Variants in ATXN10 observed in about 807,000 individuals in gnomAD.
ATXN10 encodes ataxin-10.
A neutral mutation model predicts 52.9 loss-of-function variants in ATXN10; 28 were observed. The observed-to-expected ratio is 0.53, with a 90% confidence interval of 0.39 to 0.73. ATXN10 has a LOEUF of 0.73. Ranked by LOEUF, ATXN10 falls within the 30% of genes least tolerant of loss-of-function variation. ATXN10 has a pLI of 0.00. For missense variants in ATXN10, 565 were observed against 577.0 expected (o/e 0.98, Z 0.21); for synonymous variants, 226 against 221.5 (o/e 1.02, Z -0.18).
At position 45,837,328 on chromosome 22, in the gene ATXN10, C is replaced by T. The variant is rs1929199439; in HGVS notation, c.1238-5663C>T. Among the ~76,000 whole-genome samples, 1 of 152,148 alleles carries T rather than the reference C, an allele frequency of 6.6e-6. No homozygotes were observed. The highest frequency in any genetic ancestry group is 1.5e-5 in the Non-Finnish European group (1 of 68,034). ...AGGCTGCAGTGCAGTGGCGCAATCT[C>T]GGCTCACTGCAGCCTCTGCCTCCCG... On this transcript the variant is annotated intron_variant, in intron 10 of 11. Transcript: ENST00000252934. This position sits in a 1 kb window ranked among gnomAD's most constrained non-coding sequence, Gnocchi z 5.8.
chr22:45,783,982 C>T lies in ATXN10; in HGVS notation c.1174-22977C>T, dbSNP rs775814068. ...CTGGCGGCCCACTACCCGCATTTGT[C>T]CCTGACTGCTTTGCAGGCCGTCCCC... On this transcript the variant is annotated intron_variant, in intron 9 of 11. Coordinates refer to ENST00000252934, the MANE Select transcript of ATXN10 (RefSeq NM_013236.4). This position sits in a 1 kb window ranked among gnomAD's most constrained non-coding sequence, Gnocchi z 5.0. Among the ~76,000 whole-genome samples, 1 of 152,260 alleles carries T rather than the reference C, an allele frequency of 6.6e-6. No homozygotes were observed. Among genetic ancestry groups the T allele is most frequent in the Non-Finnish European group, 1.5e-5 (1 of 68,008 alleles).
chr22:45,751,760 A>AT (rs1159780913), intron 9 of ATXN10, among the ~76,000 whole-genome samples: 1 of 63,170 alleles, frequency 1.6e-5, no homozygotes, highest in African/African-American at 6.2e-5. Context: ...AAAAATAAAA[A>AT]AAAAATAATA....
chr22:45,723,619 C>G (rs1924749151), intron 6 of ATXN10, among the ~76,000 whole-genome samples: 1 of 152,132 alleles, frequency 6.6e-6, no homozygotes, highest in Admixed American at 6.6e-5. Context: ...TAAGTGAGAA[C>G]ATATGGTATT....
At chr22:45,807,244 C>T (rs768083516) in intron 10 of ATXN10, 87 of 632,438 alleles carry the variant, frequency 1.4e-4, no homozygotes, top group Middle Eastern at 3.4e-4. Flanking sequence ...ATAAGACATT[C>T]CAAATGAGCA....
rs1260264151 is a variant in ATXN10 at position 45,698,808 on chromosome 22, A to G, written c.392-1474A>G. On this transcript the variant is annotated intron_variant, in intron 3 of 11. Coordinates refer to ENST00000252934, the MANE Select transcript of ATXN10 (RefSeq NM_013236.4). ...TTCAGCAATGAAATTTGGATTCAAC[A>G]GTGAAACTTAGAAAAAATTTTATGG... 2.1e-4 allele frequency among the ~76,000 whole-genome samples: 32 copies of G among 152,250 alleles called. 1 individual carries two copies. The highest frequency in any genetic ancestry group is 2.1e-3 in the Admixed American group (32 of 15,290).
chr22:45,765,544 C>T (rs762652876), intron 9 of ATXN10, among the ~76,000 whole-genome samples: 20 of 152,182 alleles, frequency 1.3e-4, no homozygotes, highest in Non-Finnish European at 1.6e-4. Flanking sequence ...TTGCTCCCCT[C>T]CTCCACCTGC....
chr22:45,672,375 C>T, intron 1 of ATXN10, 196 bp downstream of exon 1: 1 of 459,808 alleles, frequency 2.2e-6, no homozygotes, highest in Non-Finnish European at 3.1e-6. Context: ...CCCGCGGGGC[C>T]TGGGGCGGGC....
At chr22:45,796,142 A>C (rs920556046) in intron 9 of ATXN10, among the ~76,000 whole-genome samples, 1 of 152,116 alleles carries the variant, frequency 6.6e-6, no homozygotes, top group African/African-American at 2.4e-5. Flanking sequence ...TCCCAGGGGG[A>C]GGTCTCTAAA....
Position 45,843,606 on chromosome 22 carries a change from G to A in ATXN10, c.1426-63G>A. ...AAAGTTCTGGGTTTTTTCCCCTTTTGTCTGATGAATCTTGTGAACAGATTT... is the reference window on the plus strand; with the variant it reads ...AAAGTTCTGGGTTTTTTCCCCTTTTATCTGATGAATCTTGTGAACAGATTT... On this transcript the variant is annotated intron_variant, in intron 11 of 11. Transcript: ENST00000252934. The surrounding 1 kb of genome is among the most constrained non-coding windows in gnomAD (Gnocchi z 4.5). 1 of 1,562,566 alleles carries A rather than the reference G, an allele frequency of 6.4e-7. No individual in the cohort carries two copies. Among genetic ancestry groups the A allele is most frequent in the Non-Finnish European group, 8.8e-7 (1 of 1,136,480 alleles).
Position 45,684,842 on chromosome 22 carries a change from T to C in ATXN10, c.117-4870T>C, listed in dbSNP as rs1182819593. ...ACCCTAGGCTGTTTGTGGCAGGAGA[T>C]ACAGATGTTTTTATTTTCTGTTTTT... is the stretch of plus-strand genomic sequence containing the variant. On this transcript the variant is annotated intron_variant, in intron 1 of 11. Transcript: ENST00000252934. This position sits in a 1 kb window ranked among gnomAD's most constrained non-coding sequence, Gnocchi z 4.1. 6.6e-6 allele frequency among the ~76,000 whole-genome samples: 1 copy of C among 152,226 alleles called. No individual in the cohort carries two copies. The highest frequency in any genetic ancestry group is 1.5e-5 in the Non-Finnish European group (1 of 68,036).
At position 45,840,372 on chromosome 22, in the gene ATXN10, C is replaced by T. The variant is rs1046292080; in HGVS notation, c.1238-2619C>T. Among the ~76,000 whole-genome samples, 2 of 152,166 alleles carry T rather than the reference C, an allele frequency of 1.3e-5. No homozygotes were observed. Among genetic ancestry groups the T allele is most frequent in the African/African-American group, 4.8e-5 (2 of 41,424 alleles). On this transcript the variant is annotated intron_variant, in intron 10 of 11. Transcript: ENST00000252934. This position sits in a 1 kb window ranked among gnomAD's most constrained non-coding sequence, Gnocchi z 5.8. The stretch of plus-strand genomic sequence containing the variant: ...ATGCATTGGAAACAGACAGCAGGTG[C>T]ACCTAATCTAAGCAGGTGCCGAGGG...
chr22:45,796,131 T>C (rs1206924005), intron 9 of ATXN10, among the ~76,000 whole-genome samples: 1 of 152,224 alleles, frequency 6.6e-6, no homozygotes, highest in African/African-American at 2.4e-5. Flanking sequence ...AACGAATGCA[T>C]TCCCAGGGGG....
In ATXN10 at chr22:45,671,990, C is replaced by A. The variant is rs564088128; in HGVS notation, c.-74C>A. Reference sequence around the variant, plus strand: ...CCTCCTCGCCATCCTACTCCTCCCTCCTCGTCATCCTCCCCCTTCGTCCTC... The same window carrying A: ...CCTCCTCGCCATCCTACTCCTCCCTACTCGTCATCCTCCCCCTTCGTCCTC... On this transcript the variant is annotated 5_prime_UTR_variant, in exon 1 of 12. Coordinates refer to ENST00000252934, the MANE Select transcript of ATXN10 (RefSeq NM_013236.4). 1 of 1,491,776 alleles carries A rather than the reference C, an allele frequency of 6.7e-7. No homozygotes were observed. The highest frequency in any genetic ancestry group is 2.0e-5 in the Admixed American group (1 of 49,974). 92.4% of individuals were successfully genotyped at this position (1,491,776 alleles called of 1,614,324 possible).
chr22:45,828,004 AAC>A lies in ATXN10; in HGVS notation c.1238-14985_1238-14984del, dbSNP rs1259740026. On this transcript the variant is annotated intron_variant, in intron 10 of 11. Coordinates refer to ENST00000252934, the MANE Select transcript of ATXN10 (RefSeq NM_013236.4). This position sits in a 1 kb window ranked among gnomAD's most constrained non-coding sequence, Gnocchi z 4.5. ...ATTCACAAATTTATGGAAATTAAAA[AAC>A]ATACTGTTAACCAGTAGATCAAAGA... Among the ~76,000 whole-genome samples the A allele has an allele frequency of 1.3e-5, 2 of 152,244 alleles. No homozygotes were observed. The highest frequency in any genetic ancestry group is 2.9e-5 in the Non-Finnish European group (2 of 68,036).
At chr22:45,753,378 T>C (rs1366203149) in intron 9 of ATXN10, among the ~76,000 whole-genome samples, 50 of 3,638 alleles carry the variant, frequency 0.014, 1 homozygote, top group Admixed American at 0.017. Context: ...TCTTACCAGC[T>C]TTTTTTTTTT....
intron 2 of ATXN10, among the ~76,000 whole-genome samples, chr22:45,691,971 C>T (rs936826620): frequency 3.3e-4 from 50 of 152,320 alleles, no homozygotes; most frequent in African/African-American, 1.2e-3. Flanking sequence ...TCCATCTTGA[C>T]CCTGGACAGG....
chr22:45,689,566 T>TGGTCGCC, intron 1 of ATXN10, 146 bp from the exon 2 acceptor site: 1 of 353,138 alleles, frequency 2.8e-6, no homozygotes, highest in Non-Finnish European at 5.0e-6. Context: ...GTGTAGATCT[T>TGGTCGCC]TTATTTGGTG....
intron 10 of ATXN10, among the ~76,000 whole-genome samples, chr22:45,817,108 T>C (rs1928487185): frequency 6.6e-6 from 1 of 152,174 alleles, no homozygotes; most frequent in Non-Finnish European, 1.5e-5. Flanking sequence ...ATCCTGACGT[T>C]TGTTTGATGC....
intron 1 of ATXN10, chr22:45,680,166 G>A (rs753500337): frequency 9.9e-5 from 15 of 152,242 alleles, no homozygotes; most frequent in Admixed American, 7.2e-4. Flanking sequence ...TGATCCATAA[G>A]TGGGGGATGC....
Sources: allele counts gnomAD v4.1 joint callset (sites outside exome capture counted in the v4.1 genomes callset), GRCh38; gene constraint gnomAD v4.1.1; non-coding constraint Gnocchi (gnomAD v3.1); transcripts MANE v1.5; gene names NCBI Gene and HGNC (gene_info 2026-07-23, HGNC 2026-07-21).